The following CHN1 variants were observed in gnomAD, a reference collection of about 807,000 sequenced individuals.
The protein encoded by CHN1 is N-chimaerin.
In CHN1, 37 loss-of-function variants were observed where a neutral mutation model predicts 59.5. The ratio of observed to expected loss-of-function variants is 0.62; its 90% confidence interval spans 0.48 to 0.82. The LOEUF is 0.82. Ranked by LOEUF, CHN1 falls within the 40% of genes least tolerant of loss-of-function variation. The pLI, the probability that CHN1 is intolerant of heterozygous loss-of-function variation, is 0.00. For synonymous variants in CHN1, 206 were observed against 200.4 expected (o/e 1.03, Z -0.24); for missense variants, 469 against 571.0 (o/e 0.82, Z 1.82).
At chr2:174,988,975 T>C (rs866644435) in intron 1 of CHN1, among the ~76,000 whole-genome samples, 1 of 152,214 alleles carries the variant, frequency 6.6e-6, no homozygotes, top group African/African-American at 2.4e-5. Context: ...TTTTCAAAAA[T>C]AGTAGTGAAA....
chr2:174,910,269 T>C lies in CHN1; in HGVS notation c.260+4789A>G, dbSNP rs550096009. Among the ~76,000 whole-genome samples the C allele has an allele frequency of 3.2e-4, 49 of 152,292 alleles. No individual in the cohort carries two copies. The South Asian group carries it at 9.3e-3, about 29-fold the overall frequency. On this transcript the variant is annotated intron_variant, in intron 5 of 12. Coordinates refer to ENST00000409900, the MANE Select transcript of CHN1 (RefSeq NM_001822.7). The stretch of plus-strand genomic sequence containing the variant: ...TGAACAAATTTAGCAGGTTAAGTCA[T>C]TGTGAAAAAGAAGTATTTTATGTCA...
At position 174,839,479 on chromosome 2, in the gene CHN1, CAGAAT is replaced by C. The variant is rs1239415499; in HGVS notation, c.627+7396_627+7400del. Among the ~76,000 whole-genome samples the C allele has an allele frequency of 9.9e-5, 15 of 152,192 alleles. No individual in the cohort carries two copies. The East Asian group carries it at 1.5e-3, about 16-fold the overall frequency. ...ATGAGGTATCTATAATAATCAAACT[CAGAAT>C]AGAAGAGTGGCTGCTGTTCAATGCA... On this transcript the variant is annotated intron_variant, in intron 7 of 12. Coordinates refer to ENST00000409900, the MANE Select transcript of CHN1 (RefSeq NM_001822.7).
chr2:174,855,930 G>T (rs949597140), intron 6 of CHN1, among the ~76,000 whole-genome samples: 1 of 152,074 alleles, frequency 6.6e-6, no homozygotes, highest in Non-Finnish European at 1.5e-5. Flanking sequence ...ACTTCAAATT[G>T]TCTCTCCTCT....
chr2:174,894,934 G>T (rs1192367974), intron 5 of CHN1, among the ~76,000 whole-genome samples: 2 of 151,882 alleles, frequency 1.3e-5, no homozygotes, highest in Non-Finnish European at 2.9e-5. Context: ...TCTCTCCCAG[G>T]ACATGAACTG....
chr2:174,872,523 C>G (rs1004409809), intron 6 of CHN1, among the ~76,000 whole-genome samples: 13 of 152,104 alleles, frequency 8.5e-5, no homozygotes, highest in African/African-American at 3.1e-4. Context: ...CTGTTCGATA[C>G]TAAAATGCAA....
chr2:174,877,593 A>C (rs1369156269), intron 6 of CHN1, among the ~76,000 whole-genome samples: 1 of 152,182 alleles, frequency 6.6e-6, no homozygotes, highest in Non-Finnish European at 1.5e-5. Context: ...CCATTTTTCC[A>C]ACATAGTTTT....
intron 5 of CHN1, among the ~76,000 whole-genome samples, chr2:174,879,782 T>A (rs1687680077): frequency 6.6e-6 from 1 of 152,202 alleles, no homozygotes; most frequent in Admixed American, 6.5e-5. Flanking sequence ...CAGACCATTT[T>A]ACTCCTGCTG....
At chr2:174,984,792 C>T (rs1324145152) in intron 1 of CHN1, among the ~76,000 whole-genome samples, 1 of 152,186 alleles carries the variant, frequency 6.6e-6, no homozygotes, top group East Asian at 1.9e-4. Flanking sequence ...TAGTTTTCAA[C>T]GTGCAGCCTC....
chr2:174,974,273 T>C (rs1396803190), intron 1 of CHN1, among the ~76,000 whole-genome samples: 1 of 152,220 alleles, frequency 6.6e-6, no homozygotes, highest in African/African-American at 2.4e-5. Context: ...GACTGAGTGA[T>C]TTATGTCACG....
intron 5 of CHN1, among the ~76,000 whole-genome samples, chr2:174,914,105 G>A (rs187889291): frequency 2.2e-4 from 33 of 152,336 alleles, no homozygotes; most frequent in Admixed American, 1.2e-3. Context: ...CCTTCATCAA[G>A]TTACTCAATC....
chr2:174,957,157 T>C (rs924294290), intron 1 of CHN1, among the ~76,000 whole-genome samples: 16 of 152,208 alleles, frequency 1.1e-4, no homozygotes, highest in African/African-American at 3.9e-4. Context: ...CACAGCCTTC[T>C]TGCTCTTAGG....
At chr2:174,810,579 A>G (rs756309383) in intron 10 of CHN1, among the ~76,000 whole-genome samples, 21 of 152,186 alleles carry the variant, frequency 1.4e-4, no homozygotes, top group Non-Finnish European at 2.6e-4. Flanking sequence ...GCTTCTTCCC[A>G]TTCAATCTGG....
chr2:174,888,650 A>T (rs942425114), intron 5 of CHN1, among the ~76,000 whole-genome samples: 1 of 152,218 alleles, frequency 6.6e-6, no homozygotes, highest in African/African-American at 2.4e-5. Context: ...ATTGAAAGGT[A>T]AGAAGAGCCA....
chr2:175,004,207 GA>G (rs555690279), intron 1 of CHN1, among the ~76,000 whole-genome samples: 1 of 152,034 alleles, frequency 6.6e-6, no homozygotes, highest in Non-Finnish European at 1.5e-5. Flanking sequence ...TGCAGACTGA[GA>G]AAAAAACAGC....
At chr2:174,991,919 GA>G (rs1559013741) in intron 1 of CHN1, among the ~76,000 whole-genome samples, 2 of 152,132 alleles carry the variant, frequency 1.3e-5, no homozygotes, top group East Asian at 3.9e-4. Context: ...AAAAAGAAAT[GA>G]ATCTTACTTT....
intron 1 of CHN1, among the ~76,000 whole-genome samples, chr2:175,001,764 A>G (rs970922081): frequency 1.3e-5 from 2 of 152,186 alleles, no homozygotes; most frequent in Non-Finnish European, 2.9e-5. Flanking sequence ...GCTATAAATG[A>G]CAGAGATTCC....
intron 5 of CHN1, among the ~76,000 whole-genome samples, chr2:174,899,873 C>T (rs565471912): frequency 1.3e-5 from 2 of 152,212 alleles, no homozygotes; most frequent in East Asian, 3.9e-4. Flanking sequence ...AGAATTATAC[C>T]ATATGGTATT....
At chr2:174,854,788 C>A (rs1686845289) in intron 6 of CHN1, among the ~76,000 whole-genome samples, 1 of 152,098 alleles carries the variant, frequency 6.6e-6, no homozygotes, top group Admixed American at 6.6e-5. Context: ...TGTCAAAGGA[C>A]CTACATTTCC....
chr2:174,971,242 C>T (rs1002966485), intron 1 of CHN1, among the ~76,000 whole-genome samples: 3 of 152,046 alleles, frequency 2.0e-5, no homozygotes, highest in African/African-American at 7.2e-5. Context: ...GGCATGAACC[C>T]GGGAGGCGGA....
Sources: allele counts gnomAD v4.1 joint callset (sites outside exome capture counted in the v4.1 genomes callset), GRCh38; gene constraint gnomAD v4.1.1; transcripts MANE v1.5; gene names NCBI Gene and HGNC (gene_info 2026-07-23, HGNC 2026-07-21).